GALC: variants seen among roughly 807,000 people sequenced by gnomAD.
GALC encodes the protein galactosylceramidase.
GALC carries 77 observed loss-of-function variants against 91.8 expected under a neutral mutation model. That is an observed-to-expected ratio of 0.84 (90% CI 0.70 to 1.01). The LOEUF (loss-of-function observed/expected upper bound fraction) is 1.01, where lower values mean the gene tolerates loss of function less well. GALC is among the 50% of genes least tolerant of loss of function. The pLI, the probability that GALC is intolerant of heterozygous loss-of-function variation, is 0.00. For missense variants in GALC, 882 were observed against 855.9 expected (o/e 1.03, Z -0.38); for synonymous variants, 357 against 306.7 (o/e 1.16, Z -1.71).
chr14:87,975,898 T>C (rs1209401139), intron 7 of GALC, among the ~76,000 whole-genome samples: 1 of 151,786 alleles, frequency 6.6e-6, no homozygotes, highest in Non-Finnish European at 1.5e-5. Context: ...AAGGCAGAAA[T>C]GGAATAAAGA....
chr14:87,992,687 C>T, intron 1 of GALC: 1 of 1,434,276 alleles, frequency 7.0e-7, no homozygotes, highest in Non-Finnish European at 9.1e-7. Flanking sequence ...GGCTACTTCA[C>T]TACTTAGACC....
At chr14:87,953,939 G>C in intron 10 of GALC, 1 of 1,610,038 alleles carries the variant, frequency 6.2e-7, no homozygotes, top group South Asian at 1.1e-5. Flanking sequence ...CAGAAACTAA[G>C]AAGGTTTTTC....
At chr14:87,992,267 T>C in intron 1 of GALC, 2 of 1,534,212 alleles carry the variant, frequency 1.3e-6, no homozygotes, top group Non-Finnish European at 1.7e-6. Context: ...CTAGATGTAA[T>C]TTCGGATACA....
intron 9 of GALC, 78 bp downstream of exon 9, chr14:87,965,427 T>A: frequency 6.9e-7 from 1 of 1,456,304 alleles, no homozygotes; most frequent in South Asian, 1.1e-5. Flanking sequence ...ACACAGTTTA[T>A]ATAATCTTCT....
intron 9 of GALC, among the ~76,000 whole-genome samples, chr14:87,965,105 TAATTGA>T (rs1169097002): frequency 6.6e-6 from 1 of 152,204 alleles, no homozygotes; most frequent in African/African-American, 2.4e-5. Flanking sequence ...CATACGATTG[TAATTGA>T]AACTCTATTA....
chr14:87,953,671 A>G (rs1885401847), intron 10 of GALC: 34 of 1,609,142 alleles, frequency 2.1e-5, no homozygotes, highest in Non-Finnish European at 2.7e-5. Context: ...AGCTCTATCT[A>G]GAGTCCTTCA....
At position 87,941,558 on chromosome 14, in the gene GALC, C is replaced by T. The variant is rs1884855936; in HGVS notation, c.1671G>A (p.Trp557Ter). ...NTISIIGDYN[W>*]TNLTIKCDVY... ...CATCACACTTTATAGTCAGATTGGTCCTGCAAAATAAAACGGTTGATTAGT... is the reference window on the plus strand; with the variant it reads ...CATCACACTTTATAGTCAGATTGGTTCTGCAAAATAAAACGGTTGATTAGT... The change falls in exon 15 of 17, where the codon TGG (tryptophan) becomes TGA (stop). Residue 557 changes from tryptophan (W) to a stop codon, truncating the protein, a stop_gained and splice_region_variant. Coordinates refer to ENST00000261304, the MANE Select transcript of GALC (RefSeq NM_000153.4). LOFTEE classifies it high-confidence loss of function. The T allele has an allele frequency of 6.4e-7, 1 of 1,567,232 alleles. No individual in the cohort carries two copies. Among genetic ancestry groups the T allele is most frequent in the Non-Finnish European group, 8.8e-7 (1 of 1,137,754 alleles).
chr14:87,990,489 A>AT (rs1263991624), intron 1 of GALC, among the ~76,000 whole-genome samples: 4 of 152,216 alleles, frequency 2.6e-5, no homozygotes, highest in African/African-American at 9.6e-5. Context: ...ATATACACAA[A>AT]TTTTTTAAAA....
intron 5 of GALC, among the ~76,000 whole-genome samples, chr14:87,984,149 A>G (rs1886867422): frequency 6.6e-6 from 1 of 151,624 alleles, no homozygotes; most frequent in South Asian, 2.1e-4. Flanking sequence ...AAAAAAAAAA[A>G]AAAACCCAGC....
chr14:87,977,044 G>T (rs67933350), intron 6 of GALC, among the ~76,000 whole-genome samples: 37,904 of 124,308 alleles, frequency 0.3, 6,234 homozygotes, highest in Middle Eastern at 0.42. Context: ...GGGGGGGGGG[G>T]ATGAAACAAA....
At position 87,965,573 on chromosome 14, in the gene GALC, C is replaced by CA; in HGVS notation, c.964dup (p.Cys322LeufsTer54). ...TGGCTCCTGGGCCGTCATCAACCCG[C>CA]ATCTCCCATAAGGCAACTGTTCATA... On this transcript the variant is annotated frameshift_variant, in exon 9 of 17. Coordinates refer to ENST00000261304, the MANE Select transcript of GALC (RefSeq NM_000153.4). LOFTEE classifies it high-confidence loss of function. 1 of 1,613,454 alleles carries CA rather than the reference C, an allele frequency of 6.2e-7. No individual in the cohort carries two copies. The highest frequency in any genetic ancestry group is 1.1e-5 in the South Asian group (1 of 91,078).
At position 87,976,772 on chromosome 14, in the gene GALC, G is replaced by A. The variant is rs112469201; in HGVS notation, c.622-284C>T. ...TGGGATTACAGGCACGCGCCACCAC[G>A]CCTGGCTAATTTTTGTATTTTTTAG... On this transcript the variant is annotated intron_variant, in intron 6 of 16. Coordinates refer to ENST00000261304, the MANE Select transcript of GALC (RefSeq NM_000153.4). 46,858 of 365,298 alleles carry A rather than the reference G, an allele frequency of 0.13. 3,366 individuals are homozygous for A. The highest frequency in any genetic ancestry group is 0.16 in the Non-Finnish European group (29,770 of 189,896). 22.6% of individuals were successfully genotyped at this position (365,298 alleles called of 1,614,324 possible). A position where few individuals can be genotyped will look rare whatever the true frequency, so the allele number is the denominator to read the frequency against.
chr14:87,939,352 A>AG (rs945439918), intron 16 of GALC, among the ~76,000 whole-genome samples: 1 of 1,006 alleles, frequency 9.9e-4, no homozygotes, highest in African/African-American at 1.1e-3. Flanking sequence ...CATTATACAC[A>AG]AAAATTTATC....
intron 10 of GALC, among the ~76,000 whole-genome samples, chr14:87,960,387 C>T (rs900694300): frequency 1.3e-5 from 2 of 152,102 alleles, no homozygotes; most frequent in African/African-American, 4.8e-5. Context: ...TTGTGTATTA[C>T]AAAACAGCTA....
chr14:87,963,283 T>G, intron 10 of GALC, 101 bp downstream of exon 10: 2 of 1,261,576 alleles, frequency 1.6e-6, no homozygotes, highest in Admixed American at 1.7e-5. Flanking sequence ...TCTGTCTGTA[T>G]GCTTATGTAT....
At chr14:87,958,703 A>C (rs1347402992) in intron 10 of GALC, among the ~76,000 whole-genome samples, 4 of 152,142 alleles carry the variant, frequency 2.6e-5, no homozygotes, top group African/African-American at 9.7e-5. Context: ...ATGCCCTATG[A>C]CCAACTAATT....
intron 8 of GALC, among the ~76,000 whole-genome samples, chr14:87,966,498 A>G (rs988599824): frequency 4.0e-5 from 6 of 149,442 alleles, no homozygotes; most frequent in African/African-American, 1.2e-4. Flanking sequence ...GTCCTCATCC[A>G]GTATAAAAAA....
chr14:87,983,976 C>T (rs1886857630), intron 5 of GALC, among the ~76,000 whole-genome samples: 1 of 152,150 alleles, frequency 6.6e-6, no homozygotes, highest in South Asian at 2.1e-4. Flanking sequence ...ACTATTTATG[C>T]TCTGGCCCTT....
intron 6 of GALC, among the ~76,000 whole-genome samples, chr14:87,978,768 A>C (rs1443983624): frequency 6.6e-6 from 1 of 152,044 alleles, no homozygotes; most frequent in African/African-American, 2.4e-5. Flanking sequence ...TTCCAGACAC[A>C]ATTTAGAAAA....
Sources: allele counts gnomAD v4.1 joint callset (sites outside exome capture counted in the v4.1 genomes callset), GRCh38; gene constraint gnomAD v4.1.1; transcripts MANE v1.5; gene names NCBI Gene and HGNC (gene_info 2026-07-23, HGNC 2026-07-21).